Variants in GAP43 observed in about 807,000 individuals in gnomAD.
GAP43 encodes neuromodulin.
Under a neutral mutation model 18.6 loss-of-function variants are expected in GAP43, and 6 were observed. The observed-to-expected ratio is 0.32, with a 90% CI of 0.18 to 0.64. The LOEUF is 0.64. Ranked by LOEUF, GAP43 falls within the 30% of genes least tolerant of loss-of-function variation. The pLI, the probability that GAP43 is intolerant of heterozygous loss-of-function variation, is 0.78. For missense variants in GAP43, 292 were observed against 295.5 expected, an observed-to-expected ratio of 0.99 and a Z score of 0.09; for synonymous variants, 115 against 111.4, an observed-to-expected ratio of 1.03 and a Z score of -0.20.
intron 1 of GAP43, among the ~76,000 whole-genome samples, chr3:115,672,167 G>A (rs1450957432): frequency 3.3e-5 from 5 of 152,294 alleles, no homozygotes; most frequent in East Asian, 1.9e-4. Context: ...GAAGAGTTGA[G>A]GTCAAATACA....
chr3:115,698,212 A>AAATATATAATATAT (rs1237470294), intron 2 of GAP43, among the ~76,000 whole-genome samples: 1 of 16,588 alleles, frequency 6.0e-5, no homozygotes, highest in African/African-American at 1.7e-4. Context: ...ATATTATATA[A>AAATATATAATATAT]AATATATAAT....
intron 1 of GAP43, among the ~76,000 whole-genome samples, chr3:115,643,974 C>T (rs1376263526): frequency 6.6e-6 from 1 of 152,020 alleles, no homozygotes. Context: ...GCTAATGCAT[C>T]CATTTCCACC....
chr3:115,671,078 A>C (rs1576989327), intron 1 of GAP43, among the ~76,000 whole-genome samples: 1 of 152,202 alleles, frequency 6.6e-6, no homozygotes, highest in Non-Finnish European at 1.5e-5. Context: ...TCCTATGATA[A>C]CTGGGAAAAG....
At chr3:115,647,663 G>A (rs1353744565) in intron 1 of GAP43, among the ~76,000 whole-genome samples, 1 of 150,164 alleles carries the variant, frequency 6.7e-6, no homozygotes. Flanking sequence ...AGTGGAGAGT[G>A]TTTGATGGTA....
intron 2 of GAP43, among the ~76,000 whole-genome samples, chr3:115,716,717 AAT>A (rs3995850): frequency 0.022 from 973 of 43,800 alleles, 4 homozygotes; most frequent in Non-Finnish European, 0.024. Context: ...ATCTCAGACA[AAT>A]ATATATATAT....
chr3:115,658,084 A>T (rs1708609801), intron 1 of GAP43, among the ~76,000 whole-genome samples: 1 of 152,182 alleles, frequency 6.6e-6, no homozygotes, highest in Non-Finnish European at 1.5e-5. Context: ...AATCATATAA[A>T]CCAAACATAC....
At chr3:115,703,254 T>C (rs1332621787) in intron 2 of GAP43, among the ~76,000 whole-genome samples, 1 of 152,134 alleles carries the variant, frequency 6.6e-6, no homozygotes, top group Non-Finnish European at 1.5e-5. Flanking sequence ...TTCCAGTTTA[T>C]TTTTTAGTGA....
At chr3:115,699,091 C>T (rs1709262340) in intron 2 of GAP43, among the ~76,000 whole-genome samples, 1 of 152,102 alleles carries the variant, frequency 6.6e-6, no homozygotes, top group African/African-American at 2.4e-5. Context: ...TGTCTGTCTA[C>T]CATGGAAAGA....
At chr3:115,626,918 G>A (rs569980044) in intron 1 of GAP43, among the ~76,000 whole-genome samples, 5 of 152,078 alleles carry the variant, frequency 3.3e-5, no homozygotes, top group South Asian at 2.1e-4. Flanking sequence ...TGGTGCAGGC[G>A]ATTCTTCCTA....
chr3:115,699,405 G>C (rs1302905295), intron 2 of GAP43, among the ~76,000 whole-genome samples: 1 of 152,110 alleles, frequency 6.6e-6, no homozygotes, highest in Non-Finnish European at 1.5e-5. Context: ...GATCTCCTGA[G>C]AGTCGTTACT....
At chr3:115,688,264 C>T (rs539431737) in intron 2 of GAP43, among the ~76,000 whole-genome samples, 107 of 152,182 alleles carry the variant, frequency 7.0e-4, no homozygotes, top group African/African-American at 2.5e-3. Flanking sequence ...AGTGATCCAC[C>T]CACCTCGGCC....
intron 1 of GAP43, among the ~76,000 whole-genome samples, chr3:115,627,133 C>CT (rs5851968): frequency 2.1e-4 from 26 of 122,712 alleles, no homozygotes; most frequent in African/African-American, 7.8e-4. Flanking sequence ...TTTTTTCTTT[C>CT]TTTTTTTTTT....
chr3:115,657,532 A>C (rs933227566), intron 1 of GAP43, among the ~76,000 whole-genome samples: 1 of 152,198 alleles, frequency 6.6e-6, no homozygotes, highest in Non-Finnish European at 1.5e-5. Flanking sequence ...TGTTAAAATG[A>C]CAAACCAGAT....
chr3:115,659,851 G>A (rs1240987001), intron 1 of GAP43, among the ~76,000 whole-genome samples: 3 of 152,118 alleles, frequency 2.0e-5, no homozygotes, highest in Non-Finnish European at 2.9e-5. Flanking sequence ...AGCCAACTGT[G>A]GTAGAGGATA....
chr3:115,654,560 A>G (rs1384665796), intron 1 of GAP43, among the ~76,000 whole-genome samples: 3 of 152,164 alleles, frequency 2.0e-5, no homozygotes, highest in Non-Finnish European at 2.9e-5. Context: ...GGCACAACGA[A>G]TCACACACAG....
intron 1 of GAP43, among the ~76,000 whole-genome samples, chr3:115,654,484 G>A (rs1278892150): frequency 6.6e-6 from 1 of 152,106 alleles, no homozygotes; most frequent in Non-Finnish European, 1.5e-5. Flanking sequence ...TTTTTTAAAA[G>A]CTCTGTTTTA....
intron 2 of GAP43, among the ~76,000 whole-genome samples, chr3:115,689,482 C>T (rs1576995008): frequency 6.6e-6 from 1 of 152,118 alleles, no homozygotes; most frequent in East Asian, 1.9e-4. Flanking sequence ...AAATTTGAAG[C>T]CCCACAAGAA....
intron 2 of GAP43, among the ~76,000 whole-genome samples, chr3:115,709,584 G>A (rs1709408555): frequency 6.6e-6 from 1 of 152,136 alleles, no homozygotes; most frequent in African/African-American, 2.4e-5. Flanking sequence ...AATTGATCGT[G>A]TTCTAAAACA....
chr3:115,708,953 T>G (rs1293492730), intron 2 of GAP43, among the ~76,000 whole-genome samples: 2 of 151,022 alleles, frequency 1.3e-5, no homozygotes, highest in East Asian at 1.9e-4. Flanking sequence ...TTTTTTTTTT[T>G]TTTTTTTTTT....
Sources: gnomAD v4.1 joint callset for allele counts (sites outside exome capture counted in the v4.1 genomes callset) on GRCh38, gnomAD v4.1.1 for gene constraint, MANE v1.5 for transcripts, NCBI Gene and HGNC (gene_info 2026-07-23, HGNC 2026-07-21) for gene names.